Variants in TTLL7 observed in about 807,000 individuals in gnomAD.
TTLL7 encodes the protein tubulin tyrosine ligase like 7.
TTLL7 carries 53 observed loss-of-function variants against 120.2 expected under a neutral mutation model. The observed-to-expected ratio is 0.44, with a 90% CI of 0.35 to 0.55. TTLL7 has a LOEUF of 0.55. Ranked by LOEUF, TTLL7 falls within the 20% of genes least tolerant of loss-of-function variation. The pLI, the probability that TTLL7 is intolerant of heterozygous loss-of-function variation, is 0.00. For synonymous variants in TTLL7, 353 were observed against 351.7 expected (o/e 1.00, Z -0.04); for missense variants, 803 against 1,054.7 (o/e 0.76, Z 3.31).
At chr1:83,945,635 T>A (rs188988482) in intron 6 of TTLL7, among the ~76,000 whole-genome samples, 8 of 152,278 alleles carry the variant, frequency 5.3e-5, no homozygotes, top group Admixed American at 1.3e-4. Flanking sequence ...TTACATGAGA[T>A]AAACCATGGG....
chr1:83,907,311 G>A (rs1571143386), intron 16 of TTLL7, 145 bp downstream of exon 16: 1 of 645,602 alleles, frequency 1.5e-6, no homozygotes, highest in Non-Finnish European at 2.7e-6. Flanking sequence ...TGTAGGCTAA[G>A]GTAGGTGAAT....
intron 15 of TTLL7, among the ~76,000 whole-genome samples, chr1:83,908,948 C>A (rs1002615831): frequency 1.3e-5 from 2 of 151,782 alleles, no homozygotes; most frequent in African/African-American, 2.4e-5. Flanking sequence ...TCTCTTTGTT[C>A]CAATGATTAA....
chr1:83,998,491 T>A (rs1653688399), intron 1 of TTLL7, among the ~76,000 whole-genome samples: 1 of 152,220 alleles, frequency 6.6e-6, no homozygotes, highest in African/African-American at 2.4e-5. Context: ...GGCCCTAGAC[T>A]TCACTCGCAT....
At chr1:83,942,830 G>C (rs1209114567) in intron 6 of TTLL7, 151 bp from the exon 7 acceptor site, 2 of 607,386 alleles carry the variant, frequency 3.3e-6, no homozygotes, top group South Asian at 2.3e-5. Flanking sequence ...GAAATTATAG[G>C]AATCAACTTT....
chr1:83,870,649 G>A (rs1261437837), intron 20 of TTLL7, among the ~76,000 whole-genome samples: 7 of 152,088 alleles, frequency 4.6e-5, no homozygotes, highest in African/African-American at 7.2e-5. Flanking sequence ...AGTGGCTCAC[G>A]CCTGTAATCC....
intron 20 of TTLL7, among the ~76,000 whole-genome samples, chr1:83,882,266 ATAAT>A (rs1654578372): frequency 2.0e-5 from 3 of 149,672 alleles, no homozygotes; most frequent in East Asian, 3.9e-4. Context: ...AATAATAATA[ATAAT>A]TAAATAAAAC....
At chr1:83,889,406 G>A (rs1327343607) in intron 19 of TTLL7, among the ~76,000 whole-genome samples, 1 of 151,982 alleles carries the variant, frequency 6.6e-6, no homozygotes, top group African/African-American at 2.4e-5. Context: ...GATTTGCTTT[G>A]TATATATCAT....
chr1:83,867,787 GA>G lies in TTLL7; in HGVS notation c.*2174del, dbSNP rs1653016910. Reference sequence around the variant, plus strand: ...AATTTAAAAGAAAAATGAACTCCATGAAAAGACTTATTACTTGTTGATCATC... The same window carrying G: ...AATTTAAAAGAAAAATGAACTCCATGAAAGACTTATTACTTGTTGATCATC... On this transcript the variant is annotated 3_prime_UTR_variant, in exon 21 of 21. Coordinates refer to ENST00000260505, the MANE Select transcript of TTLL7 (RefSeq NM_024686.6). 2 of 151,948 alleles carry G rather than the reference GA, an allele frequency of 1.3e-5. No individual in the cohort carries two copies. The highest frequency in any genetic ancestry group is 2.9e-5 in the Non-Finnish European group (2 of 67,886). 9.4% of individuals were successfully genotyped at this position (151,948 alleles called of 1,614,324 possible).
At chr1:83,892,924 A>AAGAG (rs1304872112) in intron 18 of TTLL7, among the ~76,000 whole-genome samples, 2 of 78,936 alleles carry the variant, frequency 2.5e-5, no homozygotes, top group African/African-American at 5.5e-5. Flanking sequence ...AAAAGAAAGA[A>AAGAG]AAAGAGAAAG....
intron 20 of TTLL7, among the ~76,000 whole-genome samples, chr1:83,871,846 G>A (rs944418619): frequency 4.9e-5 from 7 of 143,428 alleles, no homozygotes; most frequent in African/African-American, 1.0e-4. Context: ...GCAGTGAGCC[G>A]AGATCGTGCC....
intron 1 of TTLL7, among the ~76,000 whole-genome samples, chr1:83,967,745 A>G (rs1244349126): frequency 2.6e-5 from 4 of 152,094 alleles, no homozygotes; most frequent in Non-Finnish European, 2.9e-5. Flanking sequence ...TAGGTTTTCT[A>G]ACTCAAGCCC....
chr1:83,870,148 T>TG lies in TTLL7; in HGVS notation c.2544-67dup, dbSNP rs1014432062. On this transcript the variant is annotated intron_variant, in intron 20 of 20. Coordinates refer to ENST00000260505, the MANE Select transcript of TTLL7 (RefSeq NM_024686.6). Reference sequence around the variant, plus strand: ...TTATAACTAACTCACTAAAGGGTTATGTGGTTAGCAATTTACGTAGTCTAT... The same window carrying TG: ...TTATAACTAACTCACTAAAGGGTTATGGTGGTTAGCAATTTACGTAGTCTAT... 6.3e-6 allele frequency: 9 copies of TG among 1,429,026 alleles called. No individual in the cohort carries two copies. In the African/African-American group the frequency reaches 1.2e-4, roughly 19 times the overall value. 88.5% of individuals were successfully genotyped at this position (1,429,026 alleles called of 1,614,324 possible). A position where few individuals can be genotyped will look rare whatever the true frequency, so the allele number is the denominator to read the frequency against.
chr1:83,917,545 A>G, intron 14 of TTLL7, 59 bp downstream of exon 14: 1 of 1,201,122 alleles, frequency 8.3e-7, no homozygotes, highest in Non-Finnish European at 1.2e-6. Flanking sequence ...TATAGTGAGA[A>G]GTATCAAGGG....
At chr1:83,986,718 G>T (rs1471104503) in intron 1 of TTLL7, among the ~76,000 whole-genome samples, 1 of 152,098 alleles carries the variant, frequency 6.6e-6, no homozygotes, top group Non-Finnish European at 1.5e-5. Context: ...GCATGCACCT[G>T]TGTCCCAGCT....
At chr1:83,998,097 T>C (rs1332101369) in intron 1 of TTLL7, among the ~76,000 whole-genome samples, 1 of 152,178 alleles carries the variant, frequency 6.6e-6, no homozygotes, top group Non-Finnish European at 1.5e-5. Context: ...TATGTACACT[T>C]GGACACACTC....
At chr1:83,983,058 A>G (rs1318593430) in intron 1 of TTLL7, among the ~76,000 whole-genome samples, 1 of 152,138 alleles carries the variant, frequency 6.6e-6, no homozygotes, top group Non-Finnish European at 1.5e-5. Context: ...GGGCCAGGCA[A>G]TAAGGGCTCA....
intron 15 of TTLL7, among the ~76,000 whole-genome samples, chr1:83,910,684 G>A (rs767058202): frequency 6.6e-6 from 1 of 152,056 alleles, no homozygotes; most frequent in Non-Finnish European, 1.5e-5. Context: ...ATGAAAATGG[G>A]AGGGAACAAA....
intron 15 of TTLL7, among the ~76,000 whole-genome samples, chr1:83,909,818 G>A (rs186452009): frequency 4.6e-4 from 70 of 152,032 alleles, no homozygotes; most frequent in African/African-American, 1.6e-3. Context: ...ATGCCATTAG[G>A]GAGGTACACA....
rs571991382 is a variant in TTLL7, at chr1:83,917,902, T to C, written c.1501-212A>G. On this transcript the variant is annotated intron_variant, in intron 13 of 20. Coordinates refer to ENST00000260505, the MANE Select transcript of TTLL7 (RefSeq NM_024686.6). Reference sequence around the variant, plus strand: ...CATTATAATTAATACATAGCCAAAATCTATTCTGTATTAATTATCCTAAAC... The same window carrying C: ...CATTATAATTAATACATAGCCAAAACCTATTCTGTATTAATTATCCTAAAC... Among the ~76,000 whole-genome samples, 478 of 152,270 alleles carry C rather than the reference T, an allele frequency of 3.1e-3. 2 individuals carry two copies. Among genetic ancestry groups the C allele is most frequent in the Non-Finnish European group, 5.4e-3 (364 of 68,026 alleles).
Sources: allele counts gnomAD v4.1 joint callset (sites outside exome capture counted in the v4.1 genomes callset), GRCh38; gene constraint gnomAD v4.1.1; transcripts MANE v1.5; gene names NCBI Gene and HGNC (gene_info 2026-07-23, HGNC 2026-07-21).